MTUS1: variants seen among roughly 807,000 people sequenced by gnomAD.
MTUS1 encodes microtubule-associated tumor suppressor 1.
MTUS1 carries 109 observed loss-of-function variants against 120.8 expected under a neutral mutation model. The ratio of observed to expected loss-of-function variants is 0.90; its 90% CI spans 0.77 to 1.06. The LOEUF (loss-of-function observed/expected upper bound fraction) is 1.06. MTUS1 is among the 50% of genes least tolerant of loss of function. The pLI, the probability that MTUS1 is intolerant of heterozygous loss-of-function variation, is 0.00. For synonymous variants in MTUS1, 737 were observed against 550.5 expected, an observed-to-expected ratio of 1.34 and a Z score of -4.74; for missense variants, 2,210 against 1,486.3, an observed-to-expected ratio of 1.49 and a Z score of -8.01.
chr8:17,712,551 C>A (rs1483507805), intron 6 of MTUS1, among the ~76,000 whole-genome samples: 1 of 152,074 alleles, frequency 6.6e-6, no homozygotes, highest in Non-Finnish European at 1.5e-5. Flanking sequence ...GTTGGCCAGG[C>A]TGGTCTTGAA....
chr8:17,742,269 G>GTTTTTTTTTTTTTTTT lies in MTUS1; in HGVS notation c.2287+1334_2287+1335insAAAAAAAAAAAAAAAA, dbSNP rs1210338239. Among the ~76,000 whole-genome samples, 14 of 94,908 alleles carry GTTTTTTTTTTTTTTTT rather than the reference G, an allele frequency of 1.5e-4. 2 individuals are homozygous for GTTTTTTTTTTTTTTTT. Among genetic ancestry groups the GTTTTTTTTTTTTTTTT allele is most frequent in the South Asian group, 7.7e-4 (2 of 2,606 alleles). 62.3% of individuals were successfully genotyped at this position (94,908 alleles called of 152,430 possible). On this transcript the variant is annotated intron_variant, in intron 3 of 14. Coordinates refer to ENST00000693296, the MANE Select transcript of MTUS1 (RefSeq NM_001363059.2). ...CACCATCATGCTCTCATGCCCAGCT[G>GTTTTTTTTTTTTTTTT]TTTTTTTTTTTTGTTGTTGTTGTTT...
intron 7 of MTUS1, among the ~76,000 whole-genome samples, chr8:17,677,129 A>T (rs1002406728): frequency 3.9e-5 from 6 of 152,230 alleles, no homozygotes; most frequent in Admixed American, 2.6e-4. Flanking sequence ...CCAGTGAGTC[A>T]GAGTTTCTTA....
intron 1 of MTUS1, among the ~76,000 whole-genome samples, chr8:17,788,346 C>T (rs1046410091): frequency 6.6e-6 from 1 of 152,190 alleles, no homozygotes. Flanking sequence ...TTGGAATCTA[C>T]AGATTTTTTC....
At chr8:17,719,711 T>C (rs1823033374) in intron 4 of MTUS1, among the ~76,000 whole-genome samples, 1 of 152,166 alleles carries the variant, frequency 6.6e-6, no homozygotes, top group Admixed American at 6.5e-5. Flanking sequence ...GGCGAATTCT[T>C]ATCCACTAAC....
At chr8:17,738,880 T>C (rs1322018588) in intron 3 of MTUS1, among the ~76,000 whole-genome samples, 1 of 152,052 alleles carries the variant, frequency 6.6e-6, no homozygotes, top group Non-Finnish European at 1.5e-5. Context: ...GGTTCATGCC[T>C]GTCATCTCGG....
intron 7 of MTUS1, among the ~76,000 whole-genome samples, chr8:17,683,168 A>G (rs1044565088): frequency 3.3e-5 from 5 of 152,148 alleles, no homozygotes; most frequent in African/African-American, 1.2e-4. Flanking sequence ...GCTACTCGGG[A>G]GGCTGAGGCA....
At chr8:17,724,943 T>TA (rs2046116365) in intron 3 of MTUS1, among the ~76,000 whole-genome samples, 1 of 152,140 alleles carries the variant, frequency 6.6e-6, no homozygotes, top group South Asian at 2.1e-4. Context: ...TTTATTTTTT[T>TA]AAAAATCTTG....
chr8:17,713,980 C>T (rs138850371), intron 5 of MTUS1, among the ~76,000 whole-genome samples: 1 of 152,170 alleles, frequency 6.6e-6, no homozygotes, highest in African/African-American at 2.4e-5. Flanking sequence ...TTTTAGAATT[C>T]TGAGTCTCCT....
intron 8 of MTUS1, among the ~76,000 whole-genome samples, chr8:17,661,999 G>A (rs1018383993): frequency 2.0e-5 from 3 of 152,162 alleles, no homozygotes; most frequent in Non-Finnish European, 2.9e-5. Context: ...ACATGTAAAC[G>A]CTGTATTAAA....
intron 7 of MTUS1, among the ~76,000 whole-genome samples, chr8:17,680,257 A>C (rs1380768820): frequency 6.6e-6 from 1 of 151,978 alleles, no homozygotes; most frequent in Non-Finnish European, 1.5e-5. Context: ...TGAGGTGAGG[A>C]CTTTAAGACC....
rs769487524 is a variant in MTUS1 at position 17,725,213 on chromosome 8, T to C, written c.2288-1380A>G. ...AAAAAGACCTTTGATGAAAATGACATTGTTGCGTATCACTAAGGATCCCAT... is the reference window on the plus strand; with the variant it reads ...AAAAAGACCTTTGATGAAAATGACACTGTTGCGTATCACTAAGGATCCCAT... On this transcript the variant is annotated intron_variant, in intron 3 of 14. Coordinates refer to ENST00000693296, the MANE Select transcript of MTUS1 (RefSeq NM_001363059.2). 7.7e-4 allele frequency among the ~76,000 whole-genome samples: 117 copies of C among 152,170 alleles called. 1 individual carries two copies. Among genetic ancestry groups the C allele is most frequent in the Admixed American group, 9.8e-4 (15 of 15,278 alleles).
At chr8:17,798,621 C>T (rs571762057) in intron 1 of MTUS1, among the ~76,000 whole-genome samples, 15 of 152,162 alleles carry the variant, frequency 9.9e-5, no homozygotes, top group African/African-American at 1.4e-4. Flanking sequence ...CGTGAGCCAC[C>T]GCACCCGGCT....
chr8:17,680,341 G>A (rs530185059), intron 7 of MTUS1, among the ~76,000 whole-genome samples: 8 of 151,924 alleles, frequency 5.3e-5, no homozygotes, highest in African/African-American at 1.9e-4. Context: ...GTGGGCATCC[G>A]TAATCCCAGC....
At chr8:17,663,366 C>G (rs1027019380) in intron 8 of MTUS1, among the ~76,000 whole-genome samples, 2 of 152,102 alleles carry the variant, frequency 1.3e-5, no homozygotes, top group African/African-American at 4.8e-5. Flanking sequence ...CAGCCATGGC[C>G]CGACATTGTT....
chr8:17,767,707 A>AAACAACAAACAAACAAACAAACAAAC (rs2049655573), intron 1 of MTUS1, among the ~76,000 whole-genome samples: 2 of 144,444 alleles, frequency 1.4e-5, no homozygotes, highest in Non-Finnish European at 1.5e-5. Flanking sequence ...TCTTAAAAAA[A>AAACAACAAACAAACAAACAAACAAAC]AAAAAAAAAA....
intron 1 of MTUS1, among the ~76,000 whole-genome samples, chr8:17,783,062 G>C (rs6986784): frequency 0.27 from 41,089 of 152,080 alleles, 7,136 homozygotes; most frequent in African/African-American, 0.47. Flanking sequence ...TGGGCGAAGA[G>C]AGTGAAATTC....
In MTUS1 at chr8:17,706,704, G is replaced by T. The variant is rs939762525; in HGVS notation, c.2623+6510C>A. On this transcript the variant is annotated intron_variant, in intron 6 of 14. Coordinates refer to ENST00000693296, the MANE Select transcript of MTUS1 (RefSeq NM_001363059.2). ...TTTTAATAATCTATCACAAGAAATT[G>T]AAAGTTGAAAGTGCTAATTGTATAG... Among the ~76,000 whole-genome samples, 4 of 152,162 alleles carry T rather than the reference G, an allele frequency of 2.6e-5. No homozygotes were observed. The East Asian group carries it at 7.7e-4, about 29-fold the overall frequency.
chr8:17,796,665 G>T (rs2052269683), intron 1 of MTUS1, among the ~76,000 whole-genome samples: 1 of 152,148 alleles, frequency 6.6e-6, no homozygotes, highest in Admixed American at 6.5e-5. Flanking sequence ...GGCCAAGTGA[G>T]CAAGAAAAAG....
At chr8:17,735,488 A>G (rs1217915286) in intron 3 of MTUS1, among the ~76,000 whole-genome samples, 2 of 152,228 alleles carry the variant, frequency 1.3e-5, no homozygotes, top group Non-Finnish European at 2.9e-5. Context: ...GCAGAGGCTC[A>G]TCTGTCATTG....
Sources: gnomAD v4.1 joint callset for allele counts (sites outside exome capture counted in the v4.1 genomes callset) on GRCh38, gnomAD v4.1.1 for gene constraint, MANE v1.5 for transcripts, NCBI Gene and HGNC (gene_info 2026-07-23, HGNC 2026-07-21) for gene names.